The following SYNDIG1 variants were observed in gnomAD, a reference collection of about 807,000 sequenced individuals.
The protein encoded by SYNDIG1 is synapse differentiation inducing 1.
Under a neutral mutation model 19.4 loss-of-function variants are expected in SYNDIG1, and 9 were observed. That is an observed-to-expected ratio of 0.46 (90% CI 0.28 to 0.81). SYNDIG1 has a LOEUF of 0.81. Ranked by LOEUF, SYNDIG1 falls within the 30% of genes least tolerant of loss-of-function variation. The pLI is 0.12. For missense variants in SYNDIG1, 311 were observed against 343.3 expected (o/e 0.91, Z 0.74); for synonymous variants, 141 against 145.9 (o/e 0.97, Z 0.24).
intron 3 of SYNDIG1, among the ~76,000 whole-genome samples, chr20:24,626,877 C>G (rs915169234): frequency 2.6e-5 from 4 of 152,348 alleles, no homozygotes; most frequent in African/African-American, 7.2e-5. Flanking sequence ...AGCTGGAGAC[C>G]AGCCCGGCCA....
rs549552776 is a variant in SYNDIG1 at position 24,518,290 on chromosome 20, C to T, written c.-78-24730C>T. On this transcript the variant is annotated intron_variant, in intron 1 of 3. Transcript: ENST00000376862. Reference sequence around the variant, plus strand: ...TCTCGGGAGCAAGCAGGGGAGTGGCCGGCTCTGGACTGGTACTAGGGAGAA... The same window carrying T: ...TCTCGGGAGCAAGCAGGGGAGTGGCTGGCTCTGGACTGGTACTAGGGAGAA... 3.3e-4 allele frequency among the ~76,000 whole-genome samples: 50 copies of T among 152,056 alleles called. 1 individual carries two copies. The highest frequency in any genetic ancestry group is 6.8e-3 in the Middle Eastern group (2 of 294).
At chr20:24,623,487 G>T (rs2059070593) in intron 3 of SYNDIG1, among the ~76,000 whole-genome samples, 1 of 152,096 alleles carries the variant, frequency 6.6e-6, no homozygotes, top group South Asian at 2.1e-4. Context: ...AGAATAACTA[G>T]AAGTGAAATA....
chr20:24,497,288 G>T (rs771574417), intron 1 of SYNDIG1, among the ~76,000 whole-genome samples: 3 of 152,004 alleles, frequency 2.0e-5, no homozygotes, highest in Non-Finnish European at 4.4e-5. Context: ...TGCAATCTTC[G>T]CCTCCCAGTT....
intron 3 of SYNDIG1, among the ~76,000 whole-genome samples, chr20:24,602,391 G>A (rs1380195478): frequency 1.3e-5 from 2 of 152,196 alleles, no homozygotes; most frequent in Admixed American, 6.5e-5. Flanking sequence ...CTCAAGCTCC[G>A]AGGTGAAGCA....
chr20:24,564,572 C>G (rs1037804676), intron 2 of SYNDIG1, among the ~76,000 whole-genome samples: 2 of 151,772 alleles, frequency 1.3e-5, no homozygotes, highest in Non-Finnish European at 2.9e-5. Flanking sequence ...AAAAGAGGTG[C>G]GTTATTTGTT....
rs886764838 is a variant in SYNDIG1 at position 24,469,667 on chromosome 20, G to GGCGCC, written c.-162_-158dup. On this transcript the variant is annotated 5_prime_UTR_variant, in exon 1 of 4. Coordinates refer to ENST00000376862, the MANE Select transcript of SYNDIG1 (RefSeq NM_024893.3). ...GCCTGGCAGCGGAGGAGCAGAGGCG[G>GGCGCC]GCGCCGCACCGCCCCGCACGCTCGC... is the stretch of plus-strand genomic sequence containing the variant. 1.3e-5 allele frequency: 2 copies of GGCGCC among 151,942 alleles called. No individual in the cohort carries two copies. Among genetic ancestry groups the GGCGCC allele is most frequent in the Non-Finnish European group, 2.9e-5 (2 of 68,258 alleles). The allele number at this position is 151,942 out of a possible 1,614,324, so 9.4% of individuals were successfully genotyped here.
In SYNDIG1 at chr20:24,609,940, T is replaced by C. The variant is rs528589390; in HGVS notation, c.618+24947T>C. 5.3e-5 allele frequency among the ~76,000 whole-genome samples: 8 copies of C among 152,274 alleles called. No homozygotes were observed. In the South Asian group the frequency reaches 1.0e-3, roughly 20 times the overall value. On this transcript the variant is annotated intron_variant, in intron 3 of 3. Transcript: ENST00000376862. ...CATTATCCTCCTTGCCACTTCCCTA[T>C]GTTCCCAGGCCCATCCCACGTGCAA... is the stretch of plus-strand genomic sequence containing the variant.
At chr20:24,580,016 C>T (rs566870317) in intron 2 of SYNDIG1, among the ~76,000 whole-genome samples, 2 of 152,304 alleles carry the variant, frequency 1.3e-5, no homozygotes, top group African/African-American at 4.8e-5. Context: ...AACAGGCAGG[C>T]GATGCAGTAG....
intron 3 of SYNDIG1, among the ~76,000 whole-genome samples, chr20:24,614,457 C>T (rs2048537395): frequency 6.6e-6 from 1 of 152,154 alleles, no homozygotes; most frequent in African/African-American, 2.4e-5. Flanking sequence ...AGGGAACTGG[C>T]TCATCAGAGC....
intron 3 of SYNDIG1, among the ~76,000 whole-genome samples, chr20:24,593,309 T>C (rs1249185598): frequency 6.6e-6 from 1 of 152,234 alleles, no homozygotes; most frequent in African/African-American, 2.4e-5. Flanking sequence ...TGGTTTTCTG[T>C]TCCTATGTCA....
intron 3 of SYNDIG1, among the ~76,000 whole-genome samples, chr20:24,607,130 C>A (rs1043938381): frequency 2.0e-4 from 30 of 152,116 alleles, no homozygotes; most frequent in Non-Finnish European, 4.4e-4. Context: ...GAGGCTGAGG[C>A]AGTTGGATCA....
chr20:24,648,159 G>C (rs545542020), intron 3 of SYNDIG1, among the ~76,000 whole-genome samples: 1 of 152,186 alleles, frequency 6.6e-6, no homozygotes, highest in African/African-American at 2.4e-5. Context: ...TATGAAGTTG[G>C]GGGGTGGGGT....
At chr20:24,660,047 G>A (rs191690182) in intron 3 of SYNDIG1, among the ~76,000 whole-genome samples, 80 of 152,258 alleles carry the variant, frequency 5.3e-4, no homozygotes, top group Non-Finnish European at 8.7e-4. Context: ...ATAGGATGCC[G>A]AGTCCGGCTT....
chr20:24,531,559 A>C (rs2057260261), intron 1 of SYNDIG1, among the ~76,000 whole-genome samples: 1 of 152,236 alleles, frequency 6.6e-6, no homozygotes, highest in Non-Finnish European at 1.5e-5. Context: ...CCTGGTTCCC[A>C]AAACATTCAC....
Position 24,607,555 on chromosome 20 carries a change from G to C in SYNDIG1, c.618+22562G>C, listed in dbSNP as rs549177843. 4.8e-5 allele frequency among the ~76,000 whole-genome samples: 7 copies of C among 144,664 alleles called. No individual in the cohort carries two copies. The South Asian group carries it at 1.3e-3, about 28-fold the overall frequency. The allele number at this position is 144,664 out of a possible 152,430, so 94.9% of individuals were successfully genotyped here. ...CGAATGTTCACCCCTCCTGCTGCCT[G>C]GCTGTGACTTTTTCTCCTCAAGAGC... On this transcript the variant is annotated intron_variant, in intron 3 of 3. Transcript: ENST00000376862.
intron 1 of SYNDIG1, among the ~76,000 whole-genome samples, chr20:24,503,309 T>C (rs2056502880): frequency 6.6e-6 from 1 of 152,060 alleles, no homozygotes; most frequent in African/African-American, 2.4e-5. Context: ...GCTAACTAAA[T>C]GCACAGATGA....
At chr20:24,522,448 T>C (rs2057025653) in intron 1 of SYNDIG1, among the ~76,000 whole-genome samples, 1 of 152,214 alleles carries the variant, frequency 6.6e-6, no homozygotes, top group African/African-American at 2.4e-5. Flanking sequence ...CTCCCTGCTT[T>C]GAAAGGGTAG....
chr20:24,518,618 A>G (rs1453019438), intron 1 of SYNDIG1, among the ~76,000 whole-genome samples: 1 of 152,114 alleles, frequency 6.6e-6, no homozygotes, highest in Admixed American at 6.6e-5. Context: ...ACTTCTTGTG[A>G]CGCTCTGGGC....
chr20:24,591,596 C>G (rs761932055), intron 3 of SYNDIG1, among the ~76,000 whole-genome samples: 12 of 151,398 alleles, frequency 7.9e-5, no homozygotes, highest in Non-Finnish European at 1.2e-4. Flanking sequence ...TGAAAATGAC[C>G]CAAAAGAGAG....
Sources: allele counts gnomAD v4.1 joint callset (sites outside exome capture counted in the v4.1 genomes callset), GRCh38; gene constraint gnomAD v4.1.1; transcripts MANE v1.5; gene names NCBI Gene and HGNC (gene_info 2026-07-23, HGNC 2026-07-21).